Variants in SYCP2L observed in about 807,000 individuals in gnomAD.
SYCP2L encodes synaptonemal complex protein 2 like.
In SYCP2L, 98 loss-of-function variants were observed where a neutral mutation model predicts 125.8. The observed-to-expected ratio is 0.78, with a 90% CI of 0.66 to 0.92. The LOEUF (loss-of-function observed/expected upper bound fraction) is 0.92. Ranked by LOEUF, SYCP2L falls within the 40% of genes least tolerant of loss-of-function variation. The pLI is 0.00. For missense variants in SYCP2L, 842 were observed against 936.4 expected, an observed-to-expected ratio of 0.90 and a Z score of 1.32; for synonymous variants, 317 against 325.4, an observed-to-expected ratio of 0.97 and a Z score of 0.28.
At chr6:10,928,734 C>T (rs182683835) in intron 18 of SYCP2L, among the ~76,000 whole-genome samples, 26 of 152,154 alleles carry the variant, frequency 1.7e-4, no homozygotes, top group Middle Eastern at 3.4e-3. Context: ...GATGGAGTCT[C>T]GCTCCATTCC....
At chr6:10,960,266 T>C (rs1223704804) in intron 26 of SYCP2L, among the ~76,000 whole-genome samples, 2 of 152,214 alleles carry the variant, frequency 1.3e-5, no homozygotes, top group Non-Finnish European at 2.9e-5. Context: ...AAATTTTTAC[T>C]ATTTTTCAAA....
At chr6:10,964,181 T>C (rs1781640887) in intron 29 of SYCP2L, among the ~76,000 whole-genome samples, 1 of 152,138 alleles carries the variant, frequency 6.6e-6, no homozygotes, top group African/African-American at 2.4e-5. Context: ...ATGGTCTCGA[T>C]CTCCTGACCA....
intron 29 of SYCP2L, among the ~76,000 whole-genome samples, chr6:10,965,023 T>G (rs953383679): frequency 2.6e-5 from 4 of 152,212 alleles, no homozygotes; most frequent in African/African-American, 7.2e-5. Context: ...GTTTGAATTT[T>G]ATACTAAGGG....
At chr6:10,939,194 T>A (rs553453696) in intron 21 of SYCP2L, among the ~76,000 whole-genome samples, 1 of 152,114 alleles carries the variant, frequency 6.6e-6, no homozygotes, top group South Asian at 2.1e-4. Context: ...TGAAAGGTCA[T>A]AATCTGAAAA....
chr6:10,936,418 A>G (rs1038061960), intron 21 of SYCP2L, among the ~76,000 whole-genome samples: 1 of 151,884 alleles, frequency 6.6e-6, no homozygotes, highest in Admixed American at 6.6e-5. Flanking sequence ...AATTGCTTGA[A>G]CCGGGAGGCA....
chr6:10,934,295 T>C (rs992711717), intron 20 of SYCP2L, among the ~76,000 whole-genome samples: 1 of 152,250 alleles, frequency 6.6e-6, no homozygotes, highest in African/African-American at 2.4e-5. Context: ...TCTGTCTCAA[T>C]ATATACTTTA....
At chr6:10,952,266 C>G (rs1328489381) in intron 23 of SYCP2L, among the ~76,000 whole-genome samples, 4 of 152,214 alleles carry the variant, frequency 2.6e-5, no homozygotes, top group Non-Finnish European at 4.4e-5. Flanking sequence ...CCTGTGCTCT[C>G]TGGAGAGCCA....
Position 10,894,193 on chromosome 6 carries a change from CTG to C in SYCP2L, c.326_327del (p.Leu109HisfsTer9), listed in dbSNP as rs748450342. On this transcript the variant is annotated frameshift_variant, in exon 4 of 30. Transcript: ENST00000283141. LOFTEE classifies it high-confidence loss of function. ...EDEPLLIRQG[L>X]IPKLVSWFER... is the part of the protein sequence containing the mutation. Reference sequence around the variant, plus strand: ...TGAACCTCTGCTAATTCGGCAGGGACTGATCCCAAAGATAAGTGTCCTATTTT... The same window carrying C: ...TGAACCTCTGCTAATTCGGCAGGGACATCCCAAAGATAAGTGTCCTATTTT... The C allele has an allele frequency of 6.2e-7, 1 of 1,612,782 alleles. No homozygotes were observed. The highest frequency in any genetic ancestry group is 8.5e-7 in the Non-Finnish European group (1 of 1,179,822).
chr6:10,894,814 G>GT (rs1489291947), intron 4 of SYCP2L, among the ~76,000 whole-genome samples: 1 of 152,168 alleles, frequency 6.6e-6, no homozygotes, highest in Non-Finnish European at 1.5e-5. Flanking sequence ...TAGTGGTGAG[G>GT]TTTTTGCAGC....
chr6:10,902,810 A>G (rs2113301675), intron 7 of SYCP2L, 48 bp downstream of exon 7: 1 of 1,610,488 alleles, frequency 6.2e-7, no homozygotes, highest in Non-Finnish European at 8.5e-7. Flanking sequence ...AGAAACCTAA[A>G]AGAAGATCGT....
chr6:10,888,066 C>CTTTTT (rs70991066), intron 1 of SYCP2L, among the ~76,000 whole-genome samples: 3 of 74,370 alleles, frequency 4.0e-5, no homozygotes, highest in African/African-American at 5.2e-5. Flanking sequence ...GTGTTACCAT[C>CTTTTT]TTTTTTTTTT....
In SYCP2L at chr6:10,891,493, CAT is replaced by C. The variant is rs1402087035; in HGVS notation, c.10-19_10-18del. On this transcript the variant is annotated intron_variant, in intron 1 of 29. Coordinates refer to ENST00000283141, the MANE Select transcript of SYCP2L (RefSeq NM_001040274.3). ...CTTTGAAATAAAAATTGTTTAAAAACATGTTTTTATTCCACACAGAAAAACAA... is the reference window on the plus strand; with the variant it reads ...CTTTGAAATAAAAATTGTTTAAAAACGTTTTTATTCCACACAGAAAAACAA... 7.8e-7 allele frequency: 1 copy of C among 1,282,730 alleles called. No individual in the cohort carries two copies. Among genetic ancestry groups the C allele is most frequent in the African/African-American group, 1.7e-5 (1 of 57,856 alleles). 79.5% of individuals were successfully genotyped at this position (1,282,730 alleles called of 1,614,324 possible).
chr6:10,931,465 T>C lies in SYCP2L; in HGVS notation c.1659T>C (p.Ser553=). ...TCTTGCCAGTTTTCCCTCCCAGTAG[T>C]GGCAGTGGCCATGAGAAAGACCAAG... ...LRILPVFPPS[S]GSGHEKDQAK... The change falls in exon 20 of 30, where the codon AGT becomes AGC. Residue 553 remains serine, a synonymous_variant. Transcript: ENST00000283141. The C allele has an allele frequency of 6.2e-7, 1 of 1,614,208 alleles. No homozygotes were observed. The highest frequency in any genetic ancestry group is 1.1e-5 in the South Asian group (1 of 91,070).
chr6:10,948,243 T>C (rs757794648), intron 23 of SYCP2L, among the ~76,000 whole-genome samples: 12 of 152,118 alleles, frequency 7.9e-5, no homozygotes, highest in Non-Finnish European at 1.3e-4. Context: ...CAAGTACATA[T>C]ACATTATTAT....
intron 21 of SYCP2L, among the ~76,000 whole-genome samples, chr6:10,941,167 A>G (rs1781212349): frequency 6.6e-6 from 1 of 152,220 alleles, no homozygotes; most frequent in South Asian, 2.1e-4. Context: ...TGGATTAAAG[A>G]CTTAAATGTT....
In SYCP2L at chr6:10,962,598, T is replaced by C. The variant is rs559687641; in HGVS notation, c.2414+1040T>C. Among the ~76,000 whole-genome samples, 5 of 152,248 alleles carry C rather than the reference T, an allele frequency of 3.3e-5. No individual in the cohort carries two copies. The South Asian group carries it at 1.0e-3, about 32-fold the overall frequency. On this transcript the variant is annotated intron_variant, in intron 28 of 29. Transcript: ENST00000283141. ...GGGTTCTATCTGTGAATATTTTTCATATTAAAAATTGAGACAGATTTTTAA... is the reference window on the plus strand; with the variant it reads ...GGGTTCTATCTGTGAATATTTTTCACATTAAAAATTGAGACAGATTTTTAA...
chr6:10,907,946 T>G (rs113454021), intron 10 of SYCP2L, among the ~76,000 whole-genome samples: 27 of 143,480 alleles, frequency 1.9e-4, no homozygotes, highest in African/African-American at 7.0e-4. Flanking sequence ...TGGAGTATAG[T>G]GGCGCAATCT....
chr6:10,943,327 C>G lies in SYCP2L; in HGVS notation c.1954+581C>G, dbSNP rs143106028. Reference sequence around the variant, plus strand: ...AAAATTACGTATCGAAAGGATTCAACTAGTTATAAATATGTGTAGGATATT... The same window carrying G: ...AAAATTACGTATCGAAAGGATTCAAGTAGTTATAAATATGTGTAGGATATT... On this transcript the variant is annotated intron_variant, in intron 23 of 29. Coordinates refer to ENST00000283141, the MANE Select transcript of SYCP2L (RefSeq NM_001040274.3). 1.2e-3 allele frequency among the ~76,000 whole-genome samples: 190 copies of G among 152,158 alleles called. 2 individuals are homozygous for G. Among genetic ancestry groups the G allele is most frequent in the African/African-American group, 4.4e-3 (183 of 41,512 alleles).
At chr6:10,935,495 T>C (rs1781076678) in intron 21 of SYCP2L, among the ~76,000 whole-genome samples, 1 of 151,950 alleles carries the variant, frequency 6.6e-6, no homozygotes, top group Admixed American at 6.6e-5. Flanking sequence ...ATAGTAAATA[T>C]TTTTTGCTTT....
Sources: allele counts gnomAD v4.1 joint callset (sites outside exome capture counted in the v4.1 genomes callset), GRCh38; gene constraint gnomAD v4.1.1; transcripts MANE v1.5; gene names NCBI Gene and HGNC (gene_info 2026-07-23, HGNC 2026-07-21).